HS2ST1: variants seen among roughly 807,000 people sequenced by gnomAD.
The protein encoded by HS2ST1 is heparan sulfate 2-O-sulfotransferase 1.
A neutral mutation model predicts 42.9 loss-of-function variants in HS2ST1; 18 were observed. The observed-to-expected ratio is 0.42, with a 90% CI of 0.29 to 0.62. HS2ST1 has a LOEUF of 0.62. Ranked by LOEUF, HS2ST1 falls within the 20% of genes least tolerant of loss-of-function variation. HS2ST1 has a pLI of 0.21. For synonymous variants in HS2ST1, 146 were observed against 152.9 expected, an observed-to-expected ratio of 0.95 and a Z score of 0.33; for missense variants, 334 against 433.8, an observed-to-expected ratio of 0.77 and a Z score of 2.04.
chr1:86,950,318 A>T (rs1007569807), intron 1 of HS2ST1, among the ~76,000 whole-genome samples: 1 of 152,184 alleles, frequency 6.6e-6, no homozygotes, highest in Non-Finnish European at 1.5e-5. Context: ...AAATGCTAGT[A>T]GTTGGTATCA....
At chr1:86,943,261 C>T (rs975417653) in intron 1 of HS2ST1, among the ~76,000 whole-genome samples, 2 of 152,026 alleles carry the variant, frequency 1.3e-5, no homozygotes, top group Non-Finnish European at 2.9e-5. Flanking sequence ...ATTTAAATGT[C>T]TGATACTGAG....
intron 1 of HS2ST1, among the ~76,000 whole-genome samples, chr1:87,062,120 G>T (rs1476828517): frequency 6.6e-6 from 1 of 151,944 alleles, no homozygotes; most frequent in Non-Finnish European, 1.5e-5. Context: ...TGCATACAGT[G>T]CTGTAAATTT....
At chr1:86,945,736 C>A (rs1463189344) in intron 1 of HS2ST1, among the ~76,000 whole-genome samples, 1 of 152,094 alleles carries the variant, frequency 6.6e-6, no homozygotes, top group African/African-American at 2.4e-5. Flanking sequence ...GGAATATGAA[C>A]TGATGGCCTG....
chr1:86,979,127 AT>A (rs1428487943), intron 1 of HS2ST1, among the ~76,000 whole-genome samples: 1 of 152,098 alleles, frequency 6.6e-6, no homozygotes, highest in Non-Finnish European at 1.5e-5. Flanking sequence ...AAATGCTAGG[AT>A]TATAGGCGTG....
At chr1:86,961,953 A>T (rs1453094258) in intron 1 of HS2ST1, among the ~76,000 whole-genome samples, 3 of 152,032 alleles carry the variant, frequency 2.0e-5, no homozygotes, top group African/African-American at 7.2e-5. Flanking sequence ...AGTTTTTTTT[A>T]TGACTAATAT....
chr1:86,956,060 C>T (rs1306905936), intron 1 of HS2ST1, among the ~76,000 whole-genome samples: 1 of 152,158 alleles, frequency 6.6e-6, no homozygotes, highest in Non-Finnish European at 1.5e-5. Flanking sequence ...AAATAGCTGT[C>T]TCTTCATACA....
chr1:87,038,161 T>C (rs1181644777), intron 1 of HS2ST1, among the ~76,000 whole-genome samples: 1 of 152,088 alleles, frequency 6.6e-6, no homozygotes, highest in East Asian at 1.9e-4. Context: ...TCAAGGTGGA[T>C]TTGGTCTGTT....
At chr1:86,976,673 CTT>C (rs1200481143) in intron 1 of HS2ST1, among the ~76,000 whole-genome samples, 1 of 83,968 alleles carries the variant, frequency 1.2e-5, no homozygotes, top group Non-Finnish European at 2.7e-5. Context: ...GCATGAAACA[CTT>C]TGTAAATCCA....
At chr1:87,011,671 C>A (rs1649601220) in intron 1 of HS2ST1, among the ~76,000 whole-genome samples, 1 of 152,136 alleles carries the variant, frequency 6.6e-6, no homozygotes, top group Admixed American at 6.5e-5. Context: ...ATAGGACAGC[C>A]ATCTGTCTTA....
At chr1:86,924,624 G>C (rs999794271) in intron 1 of HS2ST1, among the ~76,000 whole-genome samples, 3 of 152,190 alleles carry the variant, frequency 2.0e-5, no homozygotes, top group African/African-American at 7.2e-5. Flanking sequence ...TGTGGAAGCT[G>C]CCAAGGCTTG....
chr1:86,958,889 A>G (rs1647747038), intron 1 of HS2ST1, among the ~76,000 whole-genome samples: 1 of 152,250 alleles, frequency 6.6e-6, no homozygotes, highest in African/African-American at 2.4e-5. Flanking sequence ...ATTACATACT[A>G]TAGCTAAGTG....
intron 1 of HS2ST1, among the ~76,000 whole-genome samples, chr1:87,054,154 G>C (rs1650902057): frequency 6.6e-6 from 1 of 152,092 alleles, no homozygotes; most frequent in African/African-American, 2.4e-5. Flanking sequence ...TATGGAATCA[G>C]AGTTACATTA....
intron 1 of HS2ST1, among the ~76,000 whole-genome samples, chr1:86,955,856 G>A (rs1002019842): frequency 6.6e-6 from 1 of 152,088 alleles, no homozygotes; most frequent in African/African-American, 2.4e-5. Flanking sequence ...CATGGGTGGT[G>A]CACGCCTGTG....
intron 1 of HS2ST1, among the ~76,000 whole-genome samples, chr1:86,983,859 G>T (rs1393203525): frequency 6.6e-6 from 1 of 152,090 alleles, no homozygotes; most frequent in East Asian, 1.9e-4. Flanking sequence ...GGCCAAGGTG[G>T]TGAAACTCCG....
At chr1:87,071,399 ATAG>A (rs1390024360) in intron 1 of HS2ST1, among the ~76,000 whole-genome samples, 1 of 152,248 alleles carries the variant, frequency 6.6e-6, no homozygotes, top group Non-Finnish European at 1.5e-5. Flanking sequence ...TATGATAAAT[ATAG>A]TGAGACATGT....
intron 1 of HS2ST1, among the ~76,000 whole-genome samples, chr1:87,064,245 C>T (rs75709722): frequency 0.015 from 2,331 of 152,258 alleles, 28 homozygotes; most frequent in Admixed American, 0.024. Context: ...TCTAGATTGC[C>T]AGCTTCTATA....
intron 1 of HS2ST1, among the ~76,000 whole-genome samples, chr1:87,049,118 G>A (rs1286918671): frequency 6.6e-6 from 1 of 151,922 alleles, no homozygotes; most frequent in African/African-American, 2.4e-5. Context: ...GATTTAAAAG[G>A]TTATTCTGTT....
chr1:86,963,941 G>A (rs1159806825), intron 1 of HS2ST1, among the ~76,000 whole-genome samples: 2 of 150,772 alleles, frequency 1.3e-5, no homozygotes, highest in Non-Finnish European at 3.0e-5. Context: ...GGGCGGAGAC[G>A]CTCCTCACTT....
chr1:87,056,591 G>A (rs1650976099), intron 1 of HS2ST1, among the ~76,000 whole-genome samples: 1 of 152,124 alleles, frequency 6.6e-6, no homozygotes, highest in Non-Finnish European at 1.5e-5. Context: ...GACAGTATTA[G>A]TTGCCAATTA....
Sources: gnomAD v4.1 joint callset for allele counts (sites outside exome capture counted in the v4.1 genomes callset) on GRCh38, gnomAD v4.1.1 for gene constraint, MANE v1.5 for transcripts, NCBI Gene and HGNC (gene_info 2026-07-23, HGNC 2026-07-21) for gene names.